The following KCNQ3 variants were observed in gnomAD, a reference collection of about 807,000 sequenced individuals.
KCNQ3 encodes potassium voltage-gated channel subfamily KQT member 3.
KCNQ3 carries 30 observed loss-of-function variants against 92.5 expected under a neutral mutation model. The observed-to-expected ratio is 0.32, with a 90% CI of 0.24 to 0.44. The LOEUF (loss-of-function observed/expected upper bound fraction) is 0.44, where lower values mean the gene tolerates loss of function less well. Among genes scored for constraint, KCNQ3 ranks in the 20% least tolerant of loss-of-function variants. The pLI, the probability that KCNQ3 is intolerant of heterozygous loss-of-function variation, is 1.00. For synonymous variants in KCNQ3, 450 were observed against 468.8 expected (o/e 0.96, Z 0.52); for missense variants, 913 against 1,140.3 (o/e 0.80, Z 2.87).
chr8:132,281,824 C>A (rs1273584474), intron 1 of KCNQ3, among the ~76,000 whole-genome samples: 1 of 152,164 alleles, frequency 6.6e-6, no homozygotes, highest in East Asian at 1.9e-4. Flanking sequence ...CGGGGTGGAG[C>A]CCCAGGTCCT....
chr8:132,477,906 G>A (rs1822452541), intron 1 of KCNQ3, among the ~76,000 whole-genome samples: 1 of 152,178 alleles, frequency 6.6e-6, no homozygotes, highest in African/African-American at 2.4e-5. Flanking sequence ...CAGAAACAGA[G>A]TGAACCCACT....
intron 12 of KCNQ3, among the ~76,000 whole-genome samples, chr8:132,136,146 A>AAAAAAAAAAAG (rs1563765951): frequency 7.3e-6 from 1 of 137,010 alleles, no homozygotes; most frequent in Non-Finnish European, 1.6e-5. Flanking sequence ...AAAAAAAAAA[A>AAAAAAAAAAAG]GAAAAGAGAA....
At chr8:132,294,372 G>T (rs1228818146) in intron 1 of KCNQ3, among the ~76,000 whole-genome samples, 1 of 152,132 alleles carries the variant, frequency 6.6e-6, no homozygotes, top group Non-Finnish European at 1.5e-5. Context: ...GGGACTGGGG[G>T]TGTTGCAGAC....
At chr8:132,204,063 T>C (rs1161113109) in intron 1 of KCNQ3, among the ~76,000 whole-genome samples, 1 of 152,234 alleles carries the variant, frequency 6.6e-6, no homozygotes. Flanking sequence ...GACAATTACC[T>C]TATGACAGCC....
chr8:132,266,902 C>T (rs774687328), intron 1 of KCNQ3, among the ~76,000 whole-genome samples: 3 of 152,282 alleles, frequency 2.0e-5, no homozygotes, highest in South Asian at 4.1e-4. Flanking sequence ...GGTGTAAAGA[C>T]TCCCACTGAG....
Position 132,136,894 on chromosome 8 carries a change from C to T in KCNQ3, c.1700+991G>A, listed in dbSNP as rs188011695. 4.0e-3 allele frequency among the ~76,000 whole-genome samples: 528 copies of T among 130,540 alleles called. 5 individuals are homozygous for T. The highest frequency in any genetic ancestry group is 0.014 in the African/African-American group (485 of 34,892). 85.6% of individuals were successfully genotyped at this position (130,540 alleles called of 152,430 possible). ...TTTTTTTTTTTTTGAGATGCAGTCT[C>T]ACTCTGTCACCCAGGCTGAAGTGCA... On this transcript the variant is annotated intron_variant, in intron 12 of 14. Transcript: ENST00000388996.
At chr8:132,141,598 C>T (rs547554160) in intron 9 of KCNQ3, among the ~76,000 whole-genome samples, 1 of 152,170 alleles carries the variant, frequency 6.6e-6, no homozygotes, top group Admixed American at 6.5e-5. Flanking sequence ...ATGAGGTGCC[C>T]GCTATAAATT....
At chr8:132,335,698 T>C (rs1586936513) in intron 1 of KCNQ3, among the ~76,000 whole-genome samples, 2 of 152,174 alleles carry the variant, frequency 1.3e-5, no homozygotes, top group South Asian at 4.2e-4. Context: ...CATTCAAGAG[T>C]TTTGTGAAAC....
At chr8:132,406,181 A>G (rs1820474357) in intron 1 of KCNQ3, among the ~76,000 whole-genome samples, 1 of 152,214 alleles carries the variant, frequency 6.6e-6, no homozygotes, top group African/African-American at 2.4e-5. Flanking sequence ...CTGGATACTG[A>G]TAAGTCAGAA....
intron 1 of KCNQ3, among the ~76,000 whole-genome samples, chr8:132,258,869 T>C (rs1815681137): frequency 6.6e-6 from 1 of 152,044 alleles, no homozygotes; most frequent in Non-Finnish European, 1.5e-5. Context: ...GAAGATGCTA[T>C]GAATAATTGT....
rs1432392823 is a variant in KCNQ3, at chr8:132,124,421, T to C, written c.*4841A>G. 3 of 152,250 alleles carry C rather than the reference T, an allele frequency of 2.0e-5. No homozygotes were observed. Among genetic ancestry groups the C allele is most frequent in the Non-Finnish European group, 4.4e-5 (3 of 68,046 alleles). 9.4% of individuals were successfully genotyped at this position (152,250 alleles called of 1,614,324 possible). ...ACTAGAGGCTTTGTGTGTACATTGA[T>C]TGTCTCACTTGAAAATCAAAACACG... On this transcript the variant is annotated 3_prime_UTR_variant, in exon 15 of 15. Coordinates refer to ENST00000388996, the MANE Select transcript of KCNQ3 (RefSeq NM_004519.4).
chr8:132,397,857 T>A (rs1045936028), intron 1 of KCNQ3, among the ~76,000 whole-genome samples: 7 of 152,366 alleles, frequency 4.6e-5, no homozygotes, highest in Admixed American at 3.9e-4. Flanking sequence ...TTCAGCTAAA[T>A]GCCAACTATC....
chr8:132,459,170 A>C (rs1284374311), intron 1 of KCNQ3, among the ~76,000 whole-genome samples: 1 of 152,192 alleles, frequency 6.6e-6, no homozygotes, highest in East Asian at 1.9e-4. Context: ...TTGTGGGGGA[A>C]GACCACAGCA....
intron 1 of KCNQ3, among the ~76,000 whole-genome samples, chr8:132,332,422 G>C (rs548604079): frequency 7.2e-5 from 11 of 152,340 alleles, no homozygotes; most frequent in African/African-American, 2.6e-4. Context: ...ACTGCACACA[G>C]TAGGACAGTT....
chr8:132,134,765 T>C (rs1042473014), intron 12 of KCNQ3, among the ~76,000 whole-genome samples: 6 of 151,680 alleles, frequency 4.0e-5, no homozygotes, highest in African/African-American at 1.2e-4. Context: ...TTTTTTTTCA[T>C]AGGAAATGTC....
At position 132,295,928 on chromosome 8, in the gene KCNQ3, G is replaced by A. The variant is rs373962146; in HGVS notation, c.387-109747C>T. 2.6e-5 allele frequency among the ~76,000 whole-genome samples: 4 copies of A among 152,078 alleles called. No individual in the cohort carries two copies. In the East Asian group the frequency reaches 5.8e-4, roughly 22 times the overall value. ...ATCAGGATAAATAGCTAATGCACAC[G>A]GGGCTTAATACCTAGGTGATGGGTT... On this transcript the variant is annotated intron_variant, in intron 1 of 14. Coordinates refer to ENST00000388996, the MANE Select transcript of KCNQ3 (RefSeq NM_004519.4).
At chr8:132,284,785 T>C (rs1432572166) in intron 1 of KCNQ3, among the ~76,000 whole-genome samples, 2 of 152,246 alleles carry the variant, frequency 1.3e-5, no homozygotes, top group African/African-American at 4.8e-5. Context: ...TGTTAGGAGC[T>C]GGTGCCGTTA....
At chr8:132,244,486 AT>A (rs1478337487) in intron 1 of KCNQ3, among the ~76,000 whole-genome samples, 1 of 152,210 alleles carries the variant, frequency 6.6e-6, no homozygotes, top group Non-Finnish European at 1.5e-5. Flanking sequence ...GTGTTAAAAA[AT>A]ATTCTGTCCC....
At chr8:132,427,222 G>A (rs1312330080) in intron 1 of KCNQ3, among the ~76,000 whole-genome samples, 1 of 152,190 alleles carries the variant, frequency 6.6e-6, no homozygotes, top group African/African-American at 2.4e-5. Context: ...GATGGCAGAG[G>A]TGCCCTTCTG....
Sources: allele counts gnomAD v4.1 joint callset (sites outside exome capture counted in the v4.1 genomes callset), GRCh38; gene constraint gnomAD v4.1.1; transcripts MANE v1.5; gene names NCBI Gene and HGNC (gene_info 2026-07-23, HGNC 2026-07-21).